B3GNT5: variants seen among roughly 807,000 people sequenced by gnomAD.
B3GNT5 encodes the protein lactosylceramide 1,3-N-acetyl-beta-D-glucosaminyltransferase.
A neutral mutation model predicts 25.9 loss-of-function variants in B3GNT5; 11 were observed. That is an observed-to-expected ratio of 0.42 (90% CI 0.27 to 0.70). The LOEUF (loss-of-function observed/expected upper bound fraction) is 0.70. Among genes scored for constraint, B3GNT5 ranks in the 30% least tolerant of loss-of-function variants. The pLI, the probability that B3GNT5 is intolerant of heterozygous loss-of-function variation, is 0.23. For missense variants in B3GNT5, 385 were observed against 458.4 expected (o/e 0.84, Z 1.46); for synonymous variants, 166 against 158.6 (o/e 1.05, Z -0.35).
chr3:183,271,773 CTGTGTT>C lies in B3GNT5; in HGVS notation c.*840_*845del, dbSNP rs1273899435. The C allele has an allele frequency of 1.8e-5, 3 of 166,730 alleles. No individual in the cohort carries two copies. Among genetic ancestry groups the C allele is most frequent in the African/African-American group, 7.3e-5 (3 of 41,364 alleles). The allele number at this position is 166,730 out of a possible 1,614,324, so 10.3% of individuals were successfully genotyped here. ...TGGTTTTTAAATATTCAATATTGGTCTGTGTTTAAGTTTGTTATTTGAATGTAATTT... is the reference window on the plus strand; with the variant it reads ...TGGTTTTTAAATATTCAATATTGGTCTAAGTTTGTTATTTGAATGTAATTT... On this transcript the variant is annotated 3_prime_UTR_variant, in exon 2 of 2. Transcript: ENST00000326505.
intron 1 of B3GNT5, among the ~76,000 whole-genome samples, chr3:183,261,366 A>T (rs1725566279): frequency 6.6e-6 from 1 of 152,252 alleles, no homozygotes; most frequent in Non-Finnish European, 1.5e-5. Flanking sequence ...AACAAAATGC[A>T]GCATAAAGAT....
Position 183,269,689 on chromosome 3 carries a change from C to G in B3GNT5, c.-110C>G. Reference sequence around the variant, plus strand: ...TAAGAAGACTTCCATTTTTAATGACCAACATGTATTAAGATGGACACCTAC... The same window carrying G: ...TAAGAAGACTTCCATTTTTAATGACGAACATGTATTAAGATGGACACCTAC... On this transcript the variant is annotated 5_prime_UTR_variant, in exon 2 of 2. Coordinates refer to ENST00000326505, the MANE Select transcript of B3GNT5 (RefSeq NM_032047.5). 1.1e-6 allele frequency: 1 copy of G among 948,964 alleles called. No individual in the cohort carries two copies. 58.8% of individuals were successfully genotyped at this position (948,964 alleles called of 1,614,324 possible). A position where few individuals can be genotyped will look rare whatever the true frequency, so the allele number is the denominator to read the frequency against.
chr3:183,269,844 A>T lies in B3GNT5; in HGVS notation c.46A>T (p.Ile16Phe), dbSNP rs1165652106. The change falls in exon 2 of 2, where the codon ATT (isoleucine) becomes TTT (phenylalanine). Residue 16 changes from isoleucine to phenylalanine, a missense_variant. Transcript: ENST00000326505. ...SGRRVKKWQL[I>F]IQLFATCFLA... ...CAGAAGAGTCAAAAAATGGCAGTTA[A>T]TTATTCAGTTATTTGCTACTTGTTT... is the stretch of plus-strand genomic sequence containing the variant. 4 of 1,612,854 alleles carry T rather than the reference A, an allele frequency of 2.5e-6. No homozygotes were observed. The highest frequency in any genetic ancestry group is 3.4e-6 in the Non-Finnish European group (4 of 1,179,636).
chr3:183,272,700 A>T lies in B3GNT5; in HGVS notation c.*1765A>T, dbSNP rs973243061. ...GACCAATTAAAAAAACATAGAGAAC[A>T]AAAGCATATTTGACCAAGCAACAAG... On this transcript the variant is annotated 3_prime_UTR_variant, in exon 2 of 2. Transcript: ENST00000326505. 2.0e-6 allele frequency: 2 copies of T among 1,014,466 alleles called. No homozygotes were observed. Among genetic ancestry groups the T allele is most frequent in the African/African-American group, 1.7e-5 (1 of 57,914 alleles). The allele number at this position is 1,014,466 out of a possible 1,614,324, so 62.8% of individuals were successfully genotyped here. A position where few individuals can be genotyped will look rare whatever the true frequency, so the allele number is the denominator to read the frequency against.
chr3:183,256,913 A>G (rs1725090971), intron 1 of B3GNT5, among the ~76,000 whole-genome samples: 1 of 152,230 alleles, frequency 6.6e-6, no homozygotes, highest in Non-Finnish European at 1.5e-5. Flanking sequence ...TCAATTAGGG[A>G]TGATACTTCT....
chr3:183,270,621 C>T lies in B3GNT5; in HGVS notation c.823C>T (p.Leu275=). Residue 275 remains leucine, a synonymous_variant, in exon 2 of 2, where the codon CTA becomes TTA. Transcript: ENST00000326505. This position sits in a 1 kb window ranked among gnomAD's most constrained non-coding sequence, Gnocchi z 4.5. ...AAKVYEASQT[L]NSSLYIDDVF... is the part of the protein sequence containing the mutation. ...CAAAGTCTATGAGGCATCACAGACA[C>T]TAAATTCAAGTCTTTACATAGACGA... 6.2e-7 allele frequency: 1 copy of T among 1,614,164 alleles called. No individual in the cohort carries two copies. Among genetic ancestry groups the T allele is most frequent in the Non-Finnish European group, 8.5e-7 (1 of 1,180,036 alleles).
At chr3:183,259,565 T>G (rs1005727700) in intron 1 of B3GNT5, among the ~76,000 whole-genome samples, 1 of 152,166 alleles carries the variant, frequency 6.6e-6, no homozygotes, top group Admixed American at 6.5e-5. Flanking sequence ...TTGATACAGC[T>G]TTTTCATTAG....
chr3:183,269,220 G>A (rs1726461649), intron 1 of B3GNT5, among the ~76,000 whole-genome samples: 2 of 84,346 alleles, frequency 2.4e-5, no homozygotes, highest in South Asian at 8.7e-4. Context: ...GATTATAGCC[G>A]TTTGGGAAGC....
intron 1 of B3GNT5, among the ~76,000 whole-genome samples, chr3:183,261,210 C>T (rs1230399386): frequency 6.6e-6 from 1 of 152,160 alleles, no homozygotes; most frequent in East Asian, 1.9e-4. Context: ...CTAGGAAGAT[C>T]AAATTATAGC....
At chr3:183,259,034 T>C (rs1449755735) in intron 1 of B3GNT5, among the ~76,000 whole-genome samples, 3 of 152,240 alleles carry the variant, frequency 2.0e-5, no homozygotes, top group Non-Finnish European at 4.4e-5. Flanking sequence ...ATAAATTTTT[T>C]TTTCAAATGT....
At position 183,270,215 on chromosome 3, in the gene B3GNT5, A is replaced by C; in HGVS notation, c.417A>C (p.Gly139=). ...TAGGAACTCCTAATCCACTGGAGGG[A>C]GAAGAACTACAAAGAAAACTGGCTT... is the stretch of plus-strand genomic sequence containing the variant. ...FALGTPNPLE[G]EELQRKLAWE... Residue 139 remains glycine (G), a synonymous_variant, in exon 2 of 2, where the codon GGA becomes GGC. Transcript: ENST00000326505. The surrounding 1 kb of genome is among the most constrained non-coding windows in gnomAD (Gnocchi z 4.5). The C allele has an allele frequency of 1.2e-6, 2 of 1,614,208 alleles. No individual in the cohort carries two copies. The highest frequency in any genetic ancestry group is 1.7e-6 in the Non-Finnish European group (2 of 1,180,014).
At chr3:183,258,117 T>C (rs561391993) in intron 1 of B3GNT5, among the ~76,000 whole-genome samples, 11 of 151,712 alleles carry the variant, frequency 7.3e-5, no homozygotes, top group Non-Finnish European at 1.3e-4. Flanking sequence ...ACAGGCATGC[T>C]CCACCACACC....
intron 1 of B3GNT5, among the ~76,000 whole-genome samples, chr3:183,262,339 T>G (rs1024943206): frequency 3.3e-5 from 5 of 152,020 alleles, no homozygotes; most frequent in Non-Finnish European, 5.9e-5. Context: ...CAGGCCCCAG[T>G]CAGCAGGACA....
rs1726276048 is a variant in B3GNT5, at chr3:183,267,542, GA to G, written c.-301-1955del. Among the ~76,000 whole-genome samples, 1 of 152,234 alleles carries G rather than the reference GA, an allele frequency of 6.6e-6. No individual in the cohort carries two copies. The highest frequency in any genetic ancestry group is 2.4e-5 in the African/African-American group (1 of 41,470). On this transcript the variant is annotated intron_variant, in intron 1 of 1. Coordinates refer to ENST00000326505, the MANE Select transcript of B3GNT5 (RefSeq NM_032047.5). This position sits in a 1 kb window ranked among gnomAD's most constrained non-coding sequence, Gnocchi z 5.5. ...CAGGGGTCAACCGGCGGGGGGACTT[GA>G]GAACAGATCTCTGGGCACAAAGCAG...
chr3:183,254,500 G>C (rs1724845778), intron 1 of B3GNT5: 1 of 152,144 alleles, frequency 6.6e-6, no homozygotes, highest in South Asian at 2.1e-4. Flanking sequence ...GCCCAGGTGC[G>C]GCAGGTAGGC....
In B3GNT5 at chr3:183,269,963, T is replaced by C; in HGVS notation, c.165T>C (p.Tyr55=). The change falls in exon 2 of 2, where the codon TAT becomes TAC. Residue 55 remains tyrosine, a synonymous_variant. Coordinates refer to ENST00000326505, the MANE Select transcript of B3GNT5 (RefSeq NM_032047.5). ...SYSYRYLINS[Y]DFVNDTLSLK... ...CTTACAGATACCTCATAAATAGCTA[T>C]GACTTTGTGAATGATACCCTGTCTC... 2.5e-6 allele frequency: 4 copies of C among 1,614,174 alleles called. No individual in the cohort carries two copies. The highest frequency in any genetic ancestry group is 3.4e-6 in the Non-Finnish European group (4 of 1,180,026).
rs1577005863 is a variant in B3GNT5 at position 183,270,244 on chromosome 3, A to G, written c.446A>G (p.Glu149Gly). ...GEELQRKLAW[E>G]DQRYNDIIQQ... ...GAACTACAAAGAAAACTGGCTTGGG[A>G]AGATCAAAGGTACAATGATATAATT... The change falls in exon 2 of 2, where the codon GAA (glutamate) becomes GGA (glycine). Residue 149 changes from glutamate to glycine, a missense_variant. Coordinates refer to ENST00000326505, the MANE Select transcript of B3GNT5 (RefSeq NM_032047.5). The surrounding 1 kb of genome is among the most constrained non-coding windows in gnomAD (Gnocchi z 4.5). 1 of 1,614,190 alleles carries G rather than the reference A, an allele frequency of 6.2e-7. No individual in the cohort carries two copies. Among genetic ancestry groups the G allele is most frequent in the Non-Finnish European group, 8.5e-7 (1 of 1,179,988 alleles).
intron 1 of B3GNT5, among the ~76,000 whole-genome samples, chr3:183,268,588 GT>G (rs1392199912): frequency 6.6e-6 from 1 of 152,154 alleles, no homozygotes; most frequent in Non-Finnish European, 1.5e-5. Flanking sequence ...GGAACAGCAG[GT>G]TTTAGGGGAG....
At chr3:183,255,569 T>G (rs1724968029) in intron 1 of B3GNT5, among the ~76,000 whole-genome samples, 1 of 152,290 alleles carries the variant, frequency 6.6e-6, no homozygotes, top group Non-Finnish European at 1.5e-5. Context: ...AGAACCAGTG[T>G]TATCACAGGA....
Sources: allele counts gnomAD v4.1 joint callset (sites outside exome capture counted in the v4.1 genomes callset), GRCh38; gene constraint gnomAD v4.1.1; non-coding constraint Gnocchi (gnomAD v3.1); transcripts MANE v1.5; gene names NCBI Gene and HGNC (gene_info 2026-07-23, HGNC 2026-07-21).